PRR16: variants seen among roughly 807,000 people sequenced by gnomAD.
PRR16 encodes proline rich 16.
A neutral mutation model predicts 18.2 loss-of-function variants in PRR16; 6 were observed. The observed-to-expected ratio is 0.33, with a 90% CI of 0.18 to 0.65. The LOEUF (loss-of-function observed/expected upper bound fraction) is 0.65, where lower values mean the gene tolerates loss of function less well. PRR16 is among the 30% of genes least tolerant of loss of function. The pLI is 0.74. For synonymous variants in PRR16, 151 were observed against 147.8 expected, an observed-to-expected ratio of 1.02 and a Z score of -0.16; for missense variants, 412 against 376.6, an observed-to-expected ratio of 1.09 and a Z score of -0.78.
At chr5:120,655,320 A>G (rs185011821) in intron 1 of PRR16, among the ~76,000 whole-genome samples, 522 of 151,608 alleles carry the variant, frequency 3.4e-3, no homozygotes, top group Non-Finnish European at 5.4e-3. Flanking sequence ...AAAGAAATGT[A>G]TAATGTTAGC....
chr5:120,613,892 C>A (rs1754418366), intron 1 of PRR16, among the ~76,000 whole-genome samples: 1 of 152,254 alleles, frequency 6.6e-6, no homozygotes, highest in Non-Finnish European at 1.5e-5. Flanking sequence ...AACAAATTTC[C>A]TTTGATTCTC....
intron 1 of PRR16, among the ~76,000 whole-genome samples, chr5:120,490,293 C>A (rs1289401052): frequency 6.6e-6 from 1 of 152,198 alleles, no homozygotes; most frequent in African/African-American, 2.4e-5. Flanking sequence ...GTACCGCAAT[C>A]GGATGTAGAT....
At chr5:120,488,034 A>G (rs546037682) in intron 1 of PRR16, among the ~76,000 whole-genome samples, 2 of 152,032 alleles carry the variant, frequency 1.3e-5, no homozygotes, top group Admixed American at 6.6e-5. Flanking sequence ...TTCATGTGCT[A>G]CTGTATTTGG....
At chr5:120,646,021 C>G (rs1057381031) in intron 1 of PRR16, among the ~76,000 whole-genome samples, 2 of 111,334 alleles carry the variant, frequency 1.8e-5, no homozygotes, top group African/African-American at 6.2e-5. Flanking sequence ...TGAAGATAAG[C>G]TCAAATTACA....
At chr5:120,490,239 CAG>C (rs1749977761) in intron 1 of PRR16, among the ~76,000 whole-genome samples, 1 of 152,180 alleles carries the variant, frequency 6.6e-6, no homozygotes, top group Non-Finnish European at 1.5e-5. Flanking sequence ...TAATATCCTG[CAG>C]AGTGTTTTCC....
the PRR16 span, among the ~76,000 whole-genome samples, chr5:120,704,930 A>G: frequency 1.3e-5 from 2 of 152,158 alleles, no homozygotes; most frequent in African/African-American, 2.4e-5. Flanking sequence ...GTGGAGCATT[A>G]AAACGTTTTT....
At chr5:120,777,253 CTTA>C in the PRR16 span, among the ~76,000 whole-genome samples, 5 of 152,188 alleles carry the variant, frequency 3.3e-5, no homozygotes, top group East Asian at 5.8e-4. Context: ...ATTCAATCTA[CTTA>C]TTGAGTGCCA....
At position 120,506,543 on chromosome 5, in the gene PRR16, G is replaced by A. The variant is rs149183493; in HGVS notation, c.159+41898G>A. On this transcript the variant is annotated intron_variant, in intron 1 of 1. Transcript: ENST00000407149. ...GGCCATTTTTATTATATAACAAGAA[G>A]TTCTGGGTAAAAGCCATTTTAACCA... is the stretch of plus-strand genomic sequence containing the variant. Among the ~76,000 whole-genome samples, 3 of 152,118 alleles carry A rather than the reference G, an allele frequency of 2.0e-5. No individual in the cohort carries two copies. The East Asian group carries it at 5.8e-4, about 29-fold the overall frequency.
At chr5:120,622,709 C>G (rs192307077) in intron 1 of PRR16, among the ~76,000 whole-genome samples, 1 of 151,952 alleles carries the variant, frequency 6.6e-6, no homozygotes, top group Non-Finnish European at 1.5e-5. Context: ...GATCTCCTGA[C>G]CTTATGATCC....
chr5:120,774,089 A>C, the PRR16 span, among the ~76,000 whole-genome samples: 24 of 152,048 alleles, frequency 1.6e-4, no homozygotes, highest in Non-Finnish European at 2.8e-4. Flanking sequence ...TGTTGCTATG[A>C]AAATATCAGT....
At chr5:120,779,061 G>T in the PRR16 span, among the ~76,000 whole-genome samples, 8 of 152,122 alleles carry the variant, frequency 5.3e-5, no homozygotes, top group Non-Finnish European at 1.2e-4. Flanking sequence ...CATTCTTCCA[G>T]CATGCCTCAT....
intron 1 of PRR16, among the ~76,000 whole-genome samples, chr5:120,614,450 T>A (rs1195661243): frequency 8.5e-5 from 13 of 152,240 alleles, no homozygotes; most frequent in Non-Finnish European, 5.9e-5. Flanking sequence ...TATTTTCCAA[T>A]GGCCAATGCC....
intron 1 of PRR16, among the ~76,000 whole-genome samples, chr5:120,599,982 T>C (rs1753931731): frequency 6.6e-6 from 1 of 151,952 alleles, no homozygotes; most frequent in South Asian, 2.1e-4. Context: ...TCAAATCCTC[T>C]GTATAGTTTT....
chr5:120,601,867 T>C (rs1753994183), intron 1 of PRR16, among the ~76,000 whole-genome samples: 1 of 152,024 alleles, frequency 6.6e-6, no homozygotes, highest in Non-Finnish European at 1.5e-5. Flanking sequence ...AAAGGTCAGA[T>C]GGTTATAGAT....
chr5:120,468,553 T>C (rs539345271), intron 1 of PRR16, among the ~76,000 whole-genome samples: 6 of 152,318 alleles, frequency 3.9e-5, no homozygotes, highest in Non-Finnish European at 8.8e-5. Context: ...GTGTGAGTGA[T>C]ACTTTTTCAC....
chr5:120,618,430 G>GT, intron 1 of PRR16: 2 of 952,032 alleles, frequency 2.1e-6, no homozygotes, highest in Non-Finnish European at 2.5e-6. Context: ...TAATTATACT[G>GT]TTTTTTAACA....
chr5:120,549,108 T>A (rs1050555947), intron 1 of PRR16, among the ~76,000 whole-genome samples: 2 of 151,980 alleles, frequency 1.3e-5, no homozygotes, highest in African/African-American at 4.8e-5. Context: ...GTTTCTCTTT[T>A]ATTGATTGAT....
intron 1 of PRR16, among the ~76,000 whole-genome samples, chr5:120,563,741 T>C (rs1752648935): frequency 1.3e-5 from 2 of 152,200 alleles, no homozygotes; most frequent in Admixed American, 6.5e-5. Context: ...GTGGCTGAGC[T>C]GCTATCTATC....
At chr5:120,635,153 C>A (rs879886981) in intron 1 of PRR16, among the ~76,000 whole-genome samples, 1 of 152,020 alleles carries the variant, frequency 6.6e-6, no homozygotes, top group African/African-American at 2.4e-5. Context: ...AAGTCCAGGA[C>A]CAGATGAATT....
Sources: allele counts gnomAD v4.1 joint callset (sites outside exome capture counted in the v4.1 genomes callset), GRCh38; gene constraint gnomAD v4.1.1; transcripts MANE v1.5; gene names NCBI Gene and HGNC (gene_info 2026-07-23, HGNC 2026-07-21).